Variants in SIPA1L3 observed in about 807,000 individuals in gnomAD.
SIPA1L3 encodes the protein signal induced proliferation associated 1 like 3, also known as signal-induced proliferation-associated 1-like protein 3.
A neutral mutation model predicts 150.1 loss-of-function variants in SIPA1L3; 59 were observed. That is an observed-to-expected ratio of 0.39 (90% CI 0.32 to 0.49). SIPA1L3 has a LOEUF of 0.49. Ranked by LOEUF, SIPA1L3 falls within the 20% of genes least tolerant of loss-of-function variation. The pLI is 0.86. For missense variants in SIPA1L3, 2,211 were observed against 2,489.5 expected, an observed-to-expected ratio of 0.89 and a Z score of 2.38; for synonymous variants, 1,070 against 1,077.6, an observed-to-expected ratio of 0.99 and a Z score of 0.14.
chr19:38,173,993 G>T (rs1253479271), intron 15 of SIPA1L3, among the ~76,000 whole-genome samples: 1 of 152,006 alleles, frequency 6.6e-6, no homozygotes, highest in Non-Finnish European at 1.5e-5. Context: ...TGTCGGGAGG[G>T]CTCTGGGTCT....
chr19:38,183,803 CGGAGAGGTGCGGAGGCGGGGCCAGGGCCA>C (rs1476311404), intron 16 of SIPA1L3, among the ~76,000 whole-genome samples: 3 of 151,840 alleles, frequency 2.0e-5, no homozygotes, highest in Non-Finnish European at 4.4e-5. Flanking sequence ...GGTGCGGAGG[CGGAGAGGTGCGGAGGCGGGGCCAGGGCCA>C]GGAGAGGCGG....
At chr19:38,178,982 G>A (rs76443179) in intron 15 of SIPA1L3, among the ~76,000 whole-genome samples, 2,912 of 152,254 alleles carry the variant, frequency 0.019, 42 homozygotes, top group Non-Finnish European at 0.027. Context: ...CAATCCAGTC[G>A]GACAATCCCT....
chr19:38,101,377 C>T (rs1380825916), intron 6 of SIPA1L3, 151 bp downstream of exon 6: 1 of 540,440 alleles, frequency 1.9e-6, no homozygotes. Context: ...AGTGCAGCCA[C>T]TTTATTTTTT....
chr19:38,044,700 T>C (rs961025523), intron 2 of SIPA1L3, among the ~76,000 whole-genome samples: 2 of 152,076 alleles, frequency 1.3e-5, no homozygotes, highest in African/African-American at 2.4e-5. Flanking sequence ...TCTTCATGGA[T>C]TGGGGAGAGG....
At chr19:38,015,430 A>G (rs1968209105) in intron 1 of SIPA1L3, among the ~76,000 whole-genome samples, 1 of 152,252 alleles carries the variant, frequency 6.6e-6, no homozygotes, top group East Asian at 1.9e-4. Flanking sequence ...TGTGGCAAGT[A>G]AAAAAGAATG....
intron 13 of SIPA1L3, among the ~76,000 whole-genome samples, chr19:38,155,920 A>C (rs916623382): frequency 5.3e-5 from 8 of 152,154 alleles, no homozygotes; most frequent in African/African-American, 1.7e-4. Context: ...TTCTCTACTA[A>C]AAATACAAAA....
Position 38,152,936 on chromosome 19 carries a change from C to A in SIPA1L3, c.3630C>A (p.Ser1210Arg). The A allele has an allele frequency of 6.2e-7, 1 of 1,613,560 alleles. No individual in the cohort carries two copies. The highest frequency in any genetic ancestry group is 1.1e-5 in the South Asian group (1 of 90,912). ...ACTCCTCTTCCGGCGGCCTGACCAG[C>A]CAGGAGAGCACCATGGAACGCCAGA... is the stretch of plus-strand genomic sequence containing the variant. ...SGDSSSGGLTSQESTMERQKP... is the reference protein window; with the variant it reads ...SGDSSSGGLTRQESTMERQKP... Residue 1210 changes from serine to arginine, a missense_variant, in exon 13 of 22, where the codon AGC (serine) becomes AGA (arginine). This residue lies in a region of SIPA1L3 where 806 missense variants were observed against 870.1 expected (regional missense o/e 0.93). Coordinates refer to ENST00000222345, the MANE Select transcript of SIPA1L3 (RefSeq NM_015073.3).
chr19:38,058,934 A>G (rs929372707), intron 2 of SIPA1L3, among the ~76,000 whole-genome samples: 1 of 151,514 alleles, frequency 6.6e-6, no homozygotes. Flanking sequence ...CTGAGGCAGG[A>G]GAATCACTTG....
intron 1 of SIPA1L3, chr19:37,963,887 A>G (rs1211171288): frequency 6.6e-6 from 1 of 152,164 alleles, no homozygotes; most frequent in Non-Finnish European, 1.5e-5. Flanking sequence ...AGCTCTAGCT[A>G]CATATTTCAG....
chr19:38,180,073 C>A (rs964353319), intron 15 of SIPA1L3, among the ~76,000 whole-genome samples: 6 of 152,152 alleles, frequency 3.9e-5, no homozygotes, highest in Non-Finnish European at 8.8e-5. Context: ...TCCTGACAGG[C>A]GATCCACCTG....
chr19:37,967,256 C>G (rs919081771), intron 1 of SIPA1L3, among the ~76,000 whole-genome samples: 1 of 151,118 alleles, frequency 6.6e-6, no homozygotes, highest in South Asian at 2.1e-4. Context: ...TCCCCCCCAC[C>G]CTTTTTTTTT....
At chr19:38,093,861 C>A (rs769815999) in intron 4 of SIPA1L3, among the ~76,000 whole-genome samples, 23 of 152,214 alleles carry the variant, frequency 1.5e-4, no homozygotes, top group Non-Finnish European at 2.8e-4. Context: ...CTTGTCCAAA[C>A]CCCAGAGAGC....
chr19:38,033,692 TGTGTGTGC>T (rs966942929), intron 2 of SIPA1L3, among the ~76,000 whole-genome samples: 2 of 113,908 alleles, frequency 1.8e-5, no homozygotes, highest in Non-Finnish European at 4.0e-5. Context: ...TGTGTGTGTG[TGTGTGTGC>T]GTGTATGTAA....
intron 21 of SIPA1L3, 109 bp from the exon 22 acceptor site, chr19:38,205,988 T>G: frequency 7.7e-7 from 1 of 1,298,362 alleles, no homozygotes. Flanking sequence ...GCTCTAGTGG[T>G]TGGCTCCAAA....
rs985012747 is a variant in SIPA1L3, at chr19:38,039,343, G to A, written c.-311+10187G>A. 6.9e-4 allele frequency among the ~76,000 whole-genome samples: 102 copies of A among 147,886 alleles called. 1 individual carries two copies. The highest frequency in any genetic ancestry group is 2.5e-3 in the African/African-American group (102 of 40,314). On this transcript the variant is annotated intron_variant, in intron 2 of 21. Transcript: ENST00000222345. Reference sequence around the variant, plus strand: ...AATGCCATACGTGCCCCAAAACAAAGTGGTTCGATAGCTTTCCAAAGAGAT... The same window carrying A: ...AATGCCATACGTGCCCCAAAACAAAATGGTTCGATAGCTTTCCAAAGAGAT...
chr19:38,139,220 G>A (rs550331496), intron 10 of SIPA1L3, among the ~76,000 whole-genome samples: 30 of 152,180 alleles, frequency 2.0e-4, no homozygotes, highest in African/African-American at 6.0e-4. Context: ...ACTGATGCTC[G>A]TTATCTCTCG....
In SIPA1L3 at chr19:38,141,408, G is replaced by C; in HGVS notation, c.3368G>C (p.Arg1123Pro). The C allele has an allele frequency of 6.2e-7, 1 of 1,611,346 alleles. No homozygotes were observed. Among genetic ancestry groups the C allele is most frequent in the Non-Finnish European group, 8.5e-7 (1 of 1,179,900 alleles). ...AAGCAGACCCCCATAGTCCCCTTCCGGGAGTCCCAGCCACTGCACAGCAAG... is the reference window on the plus strand; with the variant it reads ...AAGCAGACCCCCATAGTCCCCTTCCCGGAGTCCCAGCCACTGCACAGCAAG... ...PLKQTPIVPFRESQPLHSKRP... is the reference protein window; with the variant it reads ...PLKQTPIVPFPESQPLHSKRP... Residue 1123 changes from arginine (R) to proline (P), a missense_variant, in exon 11 of 22, where the codon CGG (arginine) becomes CCG (proline). Physicochemically the swap from Arg to Pro is moderately radical, Grantham distance 103. This residue lies in a region of SIPA1L3 where 806 missense variants were observed against 870.1 expected (regional missense o/e 0.93). Transcript: ENST00000222345.
chr19:38,178,428 C>T (rs1270488609), intron 15 of SIPA1L3, among the ~76,000 whole-genome samples: 2 of 151,482 alleles, frequency 1.3e-5, no homozygotes, highest in Non-Finnish European at 2.9e-5. Flanking sequence ...GCCACCATGC[C>T]CGGCCTTGTG....
At chr19:38,085,135 C>T (rs1407071757) in intron 3 of SIPA1L3, among the ~76,000 whole-genome samples, 1 of 151,918 alleles carries the variant, frequency 6.6e-6, no homozygotes, top group Non-Finnish European at 1.5e-5. Flanking sequence ...ATGATTATAT[C>T]AATATCACAT....
Sources: gnomAD v4.1 joint callset for allele counts (sites outside exome capture counted in the v4.1 genomes callset) on GRCh38, gnomAD v4.1.1 for gene constraint, gnomAD v4.1.1 regional missense constraint, MANE v1.5 for transcripts, NCBI Gene and HGNC (gene_info 2026-07-23, HGNC 2026-07-21) for gene names.